The following WDR47 variants were observed in gnomAD, a reference collection of about 807,000 sequenced individuals.
The protein encoded by WDR47 is WD repeat domain 47.
WDR47 carries 32 observed loss-of-function variants against 97.2 expected under a neutral mutation model. That is an observed-to-expected ratio of 0.33 (90% CI 0.25 to 0.44). WDR47 has a LOEUF of 0.44. WDR47 is among the 20% of genes least tolerant of loss of function. The pLI, the probability that WDR47 is intolerant of heterozygous loss-of-function variation, is 1.00. For missense variants in WDR47, 782 were observed against 1,102.3 expected (o/e 0.71, Z 4.11); for synonymous variants, 375 against 373.5 (o/e 1.00, Z -0.05).
In WDR47 at chr1:108,970,652, A is replaced by G. The variant is rs11803800; in HGVS notation, c.*778T>C. 0.11 allele frequency: 17,219 copies of G among 152,702 alleles called. 1,163 individuals are homozygous for G. Among genetic ancestry groups the G allele is most frequent in the African/African-American group, 0.18 (7,342 of 41,548 alleles). The allele number at this position is 152,702 out of a possible 1,614,324, so 9.5% of individuals were successfully genotyped here. On this transcript the variant is annotated 3_prime_UTR_variant, in exon 15 of 15. Coordinates refer to ENST00000369962, the MANE Select transcript of WDR47 (RefSeq NM_001142551.2). ...AATTTACTGTACCATCAAGTGTTGC[A>G]TCACATAACTGCTGCTGCTCTGCTT...
Position 108,983,445 on chromosome 1 carries a change from A to G in WDR47, c.1932T>C (p.His644=), listed in dbSNP as rs774309486. The G allele has an allele frequency of 6.4e-7, 1 of 1,568,000 alleles. No homozygotes were observed. The highest frequency in any genetic ancestry group is 8.6e-7 in the Non-Finnish European group (1 of 1,157,532). The stretch of plus-strand genomic sequence containing the variant: ...GTACCACCGGCTGCTTAGGAGTCTC[A>G]TGTGCACTGAAAAGAAAAATTACAG... ...AYPDVIDPSA[H]ETPKQPVVRF... is the part of the protein sequence containing the mutation. Residue 644 remains histidine, a synonymous_variant, in exon 11 of 15, where the codon CAT becomes CAC. Coordinates refer to ENST00000369962, the MANE Select transcript of WDR47 (RefSeq NM_001142551.2).
intron 13 of WDR47, among the ~76,000 whole-genome samples, chr1:108,979,543 AAAAC>A (rs1417365100): frequency 2.0e-5 from 3 of 151,810 alleles, no homozygotes; most frequent in Non-Finnish European, 4.4e-5. Context: ...ACAAAACAAA[AAAAC>A]AAAACAAAAG....
chr1:108,981,639 T>C, intron 13 of WDR47, 94 bp downstream of exon 13: 2 of 1,251,886 alleles, frequency 1.6e-6, no homozygotes, highest in African/African-American at 3.1e-5. Flanking sequence ...TATTTCACAA[T>C]TTTTTCTATT....
intron 1 of WDR47, among the ~76,000 whole-genome samples, chr1:109,034,568 G>A (rs934156505): frequency 6.6e-6 from 1 of 152,188 alleles, no homozygotes; most frequent in Non-Finnish European, 1.5e-5. Context: ...AGACAAGGGA[G>A]CATTACTGTC....
chr1:108,979,376 A>G (rs1658168042), intron 13 of WDR47, among the ~76,000 whole-genome samples: 1 of 152,220 alleles, frequency 6.6e-6, no homozygotes, highest in South Asian at 2.1e-4. Flanking sequence ...AAAGATGCAG[A>G]GGGGCTGGGC....
At chr1:109,023,699 C>A (rs998032624) in intron 1 of WDR47, among the ~76,000 whole-genome samples, 178 bp from the exon 2 acceptor site, 8 of 151,994 alleles carry the variant, frequency 5.3e-5, no homozygotes, top group Non-Finnish European at 8.8e-5. Context: ...AATGGTATGG[C>A]CATGATTTTT....
chr1:109,010,037 A>G (rs1423547142), intron 5 of WDR47, among the ~76,000 whole-genome samples: 1 of 152,036 alleles, frequency 6.6e-6, no homozygotes, highest in East Asian at 1.9e-4. Context: ...ACTCATAGAA[A>G]AAAAGACTGG....
At chr1:109,013,589 A>G (rs1339805322) in intron 4 of WDR47, among the ~76,000 whole-genome samples, 1 of 152,178 alleles carries the variant, frequency 6.6e-6, no homozygotes, top group Admixed American at 6.5e-5. Flanking sequence ...TCTATTGCTG[A>G]CTTACCTTAA....
intron 2 of WDR47, among the ~76,000 whole-genome samples, chr1:109,020,128 C>T (rs1571232983): frequency 6.6e-6 from 1 of 151,706 alleles, no homozygotes; most frequent in South Asian, 2.1e-4. Context: ...AAAAATAAGG[C>T]AATCACTGTA....
intron 3 of WDR47, among the ~76,000 whole-genome samples, chr1:109,014,234 A>T (rs950052016): frequency 1.1e-3 from 166 of 152,166 alleles, no homozygotes; most frequent in African/African-American, 3.7e-3. Context: ...GTTTTTTATT[A>T]AAAAAATTTT....
rs932615828 is a variant in WDR47, at chr1:109,023,495, T to C, written c.18A>G (p.Thr6=). The C allele has an allele frequency of 3.7e-6, 6 of 1,612,998 alleles. No homozygotes were observed. The highest frequency in any genetic ancestry group is 2.2e-5 in the East Asian group (1 of 44,796). MTAEE[T]VNVKEVEIIK... ...TGATTTCAACCTCTTTTACATTCAC[T>C]GTTTCTTCAGCCGTCATATTGATAG... The change falls in exon 2 of 15, where the codon ACA becomes ACG. Residue 6 remains threonine, a synonymous_variant. Transcript: ENST00000369962.
chr1:108,990,644 A>G (rs1659255036), intron 9 of WDR47, among the ~76,000 whole-genome samples: 1 of 152,150 alleles, frequency 6.6e-6, no homozygotes, highest in Non-Finnish European at 1.5e-5. Context: ...CATCCCTAAA[A>G]GCATCTCAAA....
chr1:108,997,445 A>G (rs1192552901), intron 7 of WDR47, among the ~76,000 whole-genome samples: 5 of 150,672 alleles, frequency 3.3e-5, no homozygotes, highest in Admixed American at 3.3e-4. Context: ...AAAAAAAAAG[A>G]AAAAGAAAAA....
At chr1:109,009,665 T>A (rs1358306967) in intron 5 of WDR47, among the ~76,000 whole-genome samples, 1 of 152,170 alleles carries the variant, frequency 6.6e-6, no homozygotes, top group South Asian at 2.1e-4. Context: ...AAAAGCAGAT[T>A]ACATGAAAAT....
chr1:109,009,922 C>T (rs1765297), intron 5 of WDR47, among the ~76,000 whole-genome samples: 3 of 151,640 alleles, frequency 2.0e-5, no homozygotes, highest in Admixed American at 6.6e-5. Flanking sequence ...TGCTTGAACC[C>T]GGGAGACGGA....
At chr1:109,030,092 T>A (rs906947431) in intron 1 of WDR47, 16 of 889,964 alleles carry the variant, frequency 1.8e-5, no homozygotes, top group Non-Finnish European at 2.5e-5. Flanking sequence ...ATCTCCTTCA[T>A]CCCTCCCCAG....
intron 9 of WDR47, among the ~76,000 whole-genome samples, chr1:108,988,305 GAA>G (rs35875513): frequency 9.0e-5 from 12 of 133,532 alleles, no homozygotes; most frequent in South Asian, 4.7e-4. Context: ...TAACTATTAA[GAA>G]AAAAAAAAAA....
intron 3 of WDR47, among the ~76,000 whole-genome samples, chr1:109,014,791 T>C (rs1394637893): frequency 1.3e-5 from 2 of 152,126 alleles, no homozygotes; most frequent in East Asian, 3.8e-4. Context: ...GCAAAGAGTC[T>C]ACCTAACCTG....
intron 7 of WDR47, among the ~76,000 whole-genome samples, chr1:108,998,725 T>C (rs1332811743): frequency 6.6e-6 from 1 of 152,148 alleles, no homozygotes; most frequent in Non-Finnish European, 1.5e-5. Context: ...GTAACACACC[T>C]TACTTCTCTT....
Sources: allele counts gnomAD v4.1 joint callset (sites outside exome capture counted in the v4.1 genomes callset), GRCh38; gene constraint gnomAD v4.1.1; transcripts MANE v1.5; gene names NCBI Gene and HGNC (gene_info 2026-07-23, HGNC 2026-07-21).